The following OR1J2 variants were observed in gnomAD, a reference collection of about 807,000 sequenced individuals.
OR1J2 encodes olfactory receptor 1J2.
For missense variants in OR1J2, 304 were observed against 246.1 expected, an observed-to-expected ratio of 1.24 and a Z score of -1.57; for synonymous variants, 142 against 99.7, an observed-to-expected ratio of 1.42 and a Z score of -2.52.
chr9:122,526,742 C>G, the OR1J2 span: 1 of 1,614,122 alleles, frequency 6.2e-7, no homozygotes, highest in Non-Finnish European at 8.5e-7. Flanking sequence ...AACATGACAG[C>G]TTCAGGACAG....
At chr9:122,554,940 T>C in the OR1J2 span, among the ~76,000 whole-genome samples, 1 of 152,216 alleles carries the variant, frequency 6.6e-6, no homozygotes, top group African/African-American at 2.4e-5. Flanking sequence ...AAATCAAGCA[T>C]GCTGGAAATT....
the OR1J2 span, among the ~76,000 whole-genome samples, chr9:122,475,498 AT>A: frequency 6.6e-6 from 1 of 152,110 alleles, no homozygotes; most frequent in East Asian, 1.9e-4. Context: ...TGTTAGGAGG[AT>A]TTGGGGTTCA....
chr9:122,478,985 C>T, the OR1J2 span, among the ~76,000 whole-genome samples: 15 of 152,128 alleles, frequency 9.9e-5, no homozygotes, highest in African/African-American at 3.6e-4. Context: ...GCCTCAGCCT[C>T]CCAGAGTGCT....
chr9:122,563,114 G>A, the OR1J2 span, among the ~76,000 whole-genome samples: 4 of 151,668 alleles, frequency 2.6e-5, no homozygotes, highest in East Asian at 1.9e-4. Context: ...CATAATGGAT[G>A]TACTAATTTA....
the OR1J2 span, among the ~76,000 whole-genome samples, chr9:122,543,407 T>C: frequency 2.0e-5 from 3 of 152,214 alleles, no homozygotes; most frequent in Admixed American, 6.5e-5. Flanking sequence ...TTTGCCATGT[T>C]GCCCAGGCTG....
At chr9:122,516,928 T>C in the OR1J2 span, among the ~76,000 whole-genome samples, 2 of 152,106 alleles carry the variant, frequency 1.3e-5, no homozygotes, top group Non-Finnish European at 2.9e-5. Context: ...GCACCTGAAC[T>C]CTGCCAGTAT....
At chr9:122,527,003 C>T in the OR1J2 span, 10 of 1,614,054 alleles carry the variant, frequency 6.2e-6, no homozygotes, top group African/African-American at 4.0e-5. Flanking sequence ...AATACATTTG[C>T]GTGAGGCAAC....
At chr9:122,503,241 A>G in the OR1J2 span, among the ~76,000 whole-genome samples, 1 of 152,188 alleles carries the variant, frequency 6.6e-6, no homozygotes, top group Non-Finnish European at 1.5e-5. Context: ...ATCCAAAACA[A>G]GAGTATCTGA....
chr9:122,519,850 C>T, the OR1J2 span: 1 of 1,614,164 alleles, frequency 6.2e-7, no homozygotes, highest in Non-Finnish European at 8.5e-7. Context: ...ATCTTCAAAG[C>T]TTTGTCCACC....
At chr9:122,536,031 C>T in the OR1J2 span, among the ~76,000 whole-genome samples, 1 of 152,044 alleles carries the variant, frequency 6.6e-6, no homozygotes, top group Admixed American at 6.5e-5. Context: ...CAGGAACAGG[C>T]CATTTTCACT....
chr9:122,553,452 A>T, the OR1J2 span: 1 of 1,614,036 alleles, frequency 6.2e-7, no homozygotes, highest in Non-Finnish European at 8.5e-7. Flanking sequence ...TTCTGCCTCC[A>T]TCCCCAAAAT....
At chr9:122,449,333 A>C in the OR1J2 span, among the ~76,000 whole-genome samples, 1 of 152,186 alleles carries the variant, frequency 6.6e-6, no homozygotes, top group Admixed American at 6.5e-5. Context: ...TTACATCTTG[A>C]TGGTCATGTA....
the OR1J2 span, among the ~76,000 whole-genome samples, chr9:122,458,334 G>T: frequency 1.3e-5 from 2 of 152,144 alleles, no homozygotes; most frequent in Non-Finnish European, 2.9e-5. Context: ...TTTACTAGTT[G>T]AATTGTGGTG....
the OR1J2 span, among the ~76,000 whole-genome samples, chr9:122,535,261 G>A: frequency 4.6e-5 from 7 of 152,094 alleles, no homozygotes; most frequent in African/African-American, 1.7e-4. Flanking sequence ...AGAGGTTGGG[G>A]TTCCTGCCCC....
chr9:122,553,515 G>A, the OR1J2 span: 1 of 1,614,038 alleles, frequency 6.2e-7, no homozygotes, highest in Non-Finnish European at 8.5e-7. Flanking sequence ...TGGGTGTCTT[G>A]CACAGCTATA....
the OR1J2 span, among the ~76,000 whole-genome samples, chr9:122,478,867 C>T: frequency 2.7e-5 from 4 of 150,252 alleles, no homozygotes; most frequent in Non-Finnish European, 5.9e-5. Flanking sequence ...GTAACCTCCG[C>T]CTCCTGGGTT....
At chr9:122,519,262 G>C in the OR1J2 span, 3 of 1,613,876 alleles carry the variant, frequency 1.9e-6, no homozygotes, top group Non-Finnish European at 2.5e-6. Context: ...ACGGTGCTGG[G>C]GAACCTGCTC....
chr9:122,487,671 C>T, the OR1J2 span, among the ~76,000 whole-genome samples: 1 of 152,172 alleles, frequency 6.6e-6, no homozygotes, highest in Admixed American at 6.5e-5. Flanking sequence ...CTTTGTTTTT[C>T]ACCAGCCACA....
At chr9:122,524,242 T>C in the OR1J2 span, among the ~76,000 whole-genome samples, 1 of 152,234 alleles carries the variant, frequency 6.6e-6, no homozygotes, top group East Asian at 1.9e-4. Context: ...GGAGCATTAG[T>C]TATACCATAT....
Sources: allele counts gnomAD v4.1 joint callset (sites outside exome capture counted in the v4.1 genomes callset), GRCh38; gene constraint gnomAD v4.1.1; transcripts MANE v1.5; gene names NCBI Gene and HGNC (gene_info 2026-07-23, HGNC 2026-07-21).